Variants in ABCC1 observed in about 807,000 individuals in gnomAD.
The protein encoded by ABCC1 is ATP binding cassette subfamily C member 1 (ABCC1 blood group).
Under a neutral mutation model 172.9 loss-of-function variants are expected in ABCC1, and 83 were observed. That is an observed-to-expected ratio of 0.48 (90% CI 0.40 to 0.58). The LOEUF (loss-of-function observed/expected upper bound fraction) is 0.58. Among genes scored for constraint, ABCC1 ranks in the 20% least tolerant of loss-of-function variants. The pLI is 0.00. For missense variants in ABCC1, 1,817 were observed against 2,002.7 expected (o/e 0.91, Z 1.77); for synonymous variants, 937 against 825.2 (o/e 1.14, Z -2.32).
rs138640291 is a variant in ABCC1, at chr16:16,028,366, G to A, written c.616-4743G>A. ...CGCTGTCTCGTTTGCAGCTCCGTCC[G>A]CGGCACTTCACCCACATCCTGGCCT... On this transcript the variant is annotated intron_variant, in intron 5 of 30. Transcript: ENST00000399410. Among the ~76,000 whole-genome samples, 489 of 152,194 alleles carry A rather than the reference G, an allele frequency of 3.2e-3. 2 individuals are homozygous for A. The highest frequency in any genetic ancestry group is 7.3e-3 in the African/African-American group (302 of 41,520).
At chr16:16,132,182 T>A (rs1389100419) in intron 27 of ABCC1, among the ~76,000 whole-genome samples, 1 of 152,066 alleles carries the variant, frequency 6.6e-6, no homozygotes, top group African/African-American at 2.4e-5. Flanking sequence ...CAGATTTGTT[T>A]TGGAAGATTT....
intron 12 of ABCC1, among the ~76,000 whole-genome samples, chr16:16,061,350 A>G (rs1252268163): frequency 6.6e-6 from 1 of 152,260 alleles, no homozygotes; most frequent in African/African-American, 2.4e-5. Flanking sequence ...ACATTCGCCA[A>G]CAGGTCATCC....
chr16:16,056,824 A>G (rs1298687271), intron 12 of ABCC1, among the ~76,000 whole-genome samples: 1 of 152,198 alleles, frequency 6.6e-6, no homozygotes, highest in African/African-American at 2.4e-5. Context: ...ACTGTGATAT[A>G]AGGAGCTTGT....
At chr16:15,954,353 C>T (rs575634758) in intron 1 of ABCC1, among the ~76,000 whole-genome samples, 1 of 151,968 alleles carries the variant, frequency 6.6e-6, no homozygotes, top group Non-Finnish European at 1.5e-5. Context: ...TTTGGCTGCC[C>T]CTCCTTCCAG....
intron 1 of ABCC1, 95 bp from the exon 2 acceptor site, chr16:16,007,721 C>A (rs1435332155): frequency 5.4e-6 from 7 of 1,294,542 alleles, no homozygotes; most frequent in Non-Finnish European, 7.4e-6. Context: ...TTGTCTGTTT[C>A]TTCAAACCCC....
At position 16,071,683 on chromosome 16, in the gene ABCC1, T is replaced by G. The variant is rs2050354863; in HGVS notation, c.1866T>G (p.His622Gln). The change falls in exon 14 of 31, where the codon CAT becomes CAG. Residue 622 changes from histidine to glutamine, a missense_variant. Physicochemically the swap from His to Gln is conservative, Grantham distance 24 (BLOSUM62 0). This residue lies in a region of ABCC1 where 1,412 missense variants were observed against 1,600.3 expected (regional missense o/e 0.88). Transcript: ENST00000399410. ...SLKRLRIFLS[H>Q]EELEPDSIER... is the part of the protein sequence containing the mutation. ...AACGCCTGAGGATCTTTCTCTCCCATGAGGAGCTGGAACCTGACAGCATCG... is the reference window on the plus strand; with the variant it reads ...AACGCCTGAGGATCTTTCTCTCCCAGGAGGAGCTGGAACCTGACAGCATCG... The G allele has an allele frequency of 1.2e-6, 2 of 1,614,042 alleles. No individual in the cohort carries two copies. The highest frequency in any genetic ancestry group is 1.7e-6 in the Non-Finnish European group (2 of 1,179,988).
At chr16:16,060,517 ACTCT>A (rs375580278) in intron 12 of ABCC1, among the ~76,000 whole-genome samples, 8 of 150,804 alleles carry the variant, frequency 5.3e-5, no homozygotes, top group Middle Eastern at 3.4e-3. Context: ...GCGTTGATGA[ACTCT>A]CTCTTTTTTT....
intron 10 of ABCC1, among the ~76,000 whole-genome samples, chr16:16,051,226 G>C (rs2151899784): frequency 6.6e-6 from 1 of 151,686 alleles, no homozygotes; most frequent in East Asian, 1.9e-4. Flanking sequence ...CTGGAGTGCA[G>C]TGGTGCGATC....
intron 1 of ABCC1, among the ~76,000 whole-genome samples, chr16:15,999,769 T>TTCTCTCTCTCCCTCTCTCTCTCTCTCTC (rs2047186883): frequency 3.9e-5 from 1 of 25,360 alleles, no homozygotes. Context: ...CCCGGCCTCT[T>TTCTCTCTCTCCCTCTCTCTCTCTCTCTC]TCTCTCTCTC....
At chr16:16,061,318 A>G (rs1327039568) in intron 12 of ABCC1, among the ~76,000 whole-genome samples, 1 of 152,240 alleles carries the variant, frequency 6.6e-6, no homozygotes, top group African/African-American at 2.4e-5. Flanking sequence ...CGGACTTCGC[A>G]CGTGGCCACC....
intron 9 of ABCC1, among the ~76,000 whole-genome samples, chr16:16,047,107 A>G (rs1173842727): frequency 6.6e-6 from 1 of 152,118 alleles, no homozygotes; most frequent in Non-Finnish European, 1.5e-5. Flanking sequence ...TTGAGTTAAA[A>G]GAATCACTTC....
At position 16,131,824 on chromosome 16, in the gene ABCC1, C is replaced by T. The variant is rs763044909; in HGVS notation, c.3855C>T (p.Ser1285=). The change falls in exon 27 of 31, where the codon AGC becomes AGT. Residue 1285 remains serine, a synonymous_variant. Transcript: ENST00000399410. ...PWQIQETAPP[S]SWPQVGRVEF... ...AAATCCAGGAGACAGCTCCGCCCAGCAGCTGGCCCCAGGTGGGCCGAGTGG... is the reference window on the plus strand; with the variant it reads ...AAATCCAGGAGACAGCTCCGCCCAGTAGCTGGCCCCAGGTGGGCCGAGTGG... The T allele has an allele frequency of 6.2e-7, 1 of 1,614,176 alleles. No individual in the cohort carries two copies. The highest frequency in any genetic ancestry group is 1.1e-5 in the South Asian group (1 of 91,080).
intron 5 of ABCC1, among the ~76,000 whole-genome samples, chr16:16,020,601 A>G (rs2048162367): frequency 6.6e-6 from 1 of 152,192 alleles, no homozygotes; most frequent in Admixed American, 6.5e-5. Flanking sequence ...CACAAAGTCT[A>G]AGATACCTAC....
At chr16:15,955,366 A>G (rs910554400) in intron 1 of ABCC1, among the ~76,000 whole-genome samples, 2 of 152,054 alleles carry the variant, frequency 1.3e-5, no homozygotes, top group African/African-American at 4.8e-5. Context: ...AAAAAAAAAG[A>G]AAACAGCCAC....
At position 16,134,426 on chromosome 16, in the gene ABCC1, A is replaced by G. The variant is rs1410226738; in HGVS notation, c.4043A>G (p.Glu1348Gly). 2 of 1,614,078 alleles carry G rather than the reference A, an allele frequency of 1.2e-6. No homozygotes were observed. Among genetic ancestry groups the G allele is most frequent in the Admixed American group, 1.7e-5 (1 of 60,010 alleles). Residue 1348 changes from glutamate (E) to glycine (G), a missense_variant, in exon 28 of 31, where the codon GAA (glutamate) becomes GGA (glycine). Physicochemically the swap from Glu to Gly is moderately conservative, Grantham distance 98. Around this residue, in one of 3 missense-constraint regions of ABCC1, gnomAD observed 1,412 missense variants for 1,600.3 expected, o/e 0.88. Coordinates refer to ENST00000399410, the MANE Select transcript of ABCC1 (RefSeq NM_004996.4). ...LGLFRINESA[E>G]GEIIIDGINI... The stretch of plus-strand genomic sequence containing the variant: ...TTATTTCGGATCAACGAGTCTGCCG[A>G]AGGAGAGATCATCATCGATGGCATC...
intron 14 of ABCC1, 51 bp from the exon 15 acceptor site, chr16:16,076,275 T>C (rs752047571): frequency 1.4e-5 from 22 of 1,548,428 alleles, no homozygotes; most frequent in East Asian, 6.8e-5. Context: ...GTTCTGTGCA[T>C]GTGGAGTCGC....
At position 15,969,369 on chromosome 16, in the gene ABCC1, T is replaced by C. The variant is rs541188477; in HGVS notation, c.48+19570T>C. On this transcript the variant is annotated intron_variant, in intron 1 of 30. Transcript: ENST00000399410. ...TCCTCTTTAGGCAGCTGGTCAGTCTTTTTTTTTTTTTTTTTTCTTTTTAAG... is the reference window on the plus strand; with the variant it reads ...TCCTCTTTAGGCAGCTGGTCAGTCTCTTTTTTTTTTTTTTTTCTTTTTAAG... 4.5e-4 allele frequency among the ~76,000 whole-genome samples: 43 copies of C among 94,778 alleles called. No individual in the cohort carries two copies. The East Asian group carries it at 8.6e-3, about 19-fold the overall frequency. The allele number at this position is 94,778 out of a possible 152,430, so 62.2% of individuals were successfully genotyped here.
intron 1 of ABCC1, among the ~76,000 whole-genome samples, chr16:15,996,439 G>C (rs950131621): frequency 2.6e-4 from 40 of 152,204 alleles, no homozygotes; most frequent in African/African-American, 8.4e-4. Flanking sequence ...GTGAGTTATT[G>C]AGATGGTTGA....
intron 7 of ABCC1, among the ~76,000 whole-genome samples, chr16:16,037,298 G>T (rs2048794181): frequency 6.6e-6 from 1 of 152,112 alleles, no homozygotes; most frequent in Non-Finnish European, 1.5e-5. Flanking sequence ...AGCCAAAGAA[G>T]CCCCATTTGA....
Sources: allele counts gnomAD v4.1 joint callset (sites outside exome capture counted in the v4.1 genomes callset), GRCh38; gene constraint gnomAD v4.1.1; regional missense constraint gnomAD v4.1.1; transcripts MANE v1.5; gene names NCBI Gene and HGNC (gene_info 2026-07-23, HGNC 2026-07-21).